The following EFCAB11 variants were observed in gnomAD, a reference collection of about 807,000 sequenced individuals.
The protein encoded by EFCAB11 is EF-hand calcium binding domain 11.
A neutral mutation model predicts 23.0 loss-of-function variants in EFCAB11; 14 were observed. The observed-to-expected ratio is 0.61, with a 90% CI of 0.40 to 0.95. The LOEUF (loss-of-function observed/expected upper bound fraction) is 0.95, where lower values mean the gene tolerates loss of function less well. Ranked by LOEUF, EFCAB11 falls within the 40% of genes least tolerant of loss-of-function variation. The pLI, the probability that EFCAB11 is intolerant of heterozygous loss-of-function variation, is 0.00. For missense variants in EFCAB11, 198 were observed against 195.8 expected, an observed-to-expected ratio of 1.01 and a Z score of -0.07; for synonymous variants, 65 against 66.6, an observed-to-expected ratio of 0.98 and a Z score of 0.11.
chr14:89,942,580 G>T (rs73324525), intron 3 of EFCAB11, among the ~76,000 whole-genome samples: 1 of 152,096 alleles, frequency 6.6e-6, no homozygotes, highest in African/African-American at 2.4e-5. Context: ...CTCTGAAAGA[G>T]GTAGCAAGAC....
chr14:89,814,795 T>C (rs896397443), intron 5 of EFCAB11, among the ~76,000 whole-genome samples: 1 of 152,106 alleles, frequency 6.6e-6, no homozygotes. Context: ...CTACCTAGCA[T>C]AGCAGAGCAG....
At chr14:89,829,361 C>T (rs765685506) in intron 5 of EFCAB11, among the ~76,000 whole-genome samples, 21 of 152,150 alleles carry the variant, frequency 1.4e-4, no homozygotes, top group Non-Finnish European at 2.8e-4. Context: ...AAGGCTAGTG[C>T]GTTAAATCTT....
chr14:89,932,708 T>A (rs746592139), intron 3 of EFCAB11, 81 bp from the exon 4 acceptor site: 3 of 1,053,250 alleles, frequency 2.8e-6, no homozygotes, highest in Non-Finnish European at 2.9e-6. Flanking sequence ...TGGACAGTAA[T>A]AAATCTCACC....
At chr14:89,931,837 C>T (rs932548217) in intron 4 of EFCAB11, among the ~76,000 whole-genome samples, 1 of 152,128 alleles carries the variant, frequency 6.6e-6, no homozygotes, top group Non-Finnish European at 1.5e-5. Flanking sequence ...AGTGCAGTCC[C>T]GGCTGATCTT....
intron 5 of EFCAB11, among the ~76,000 whole-genome samples, chr14:89,820,732 G>A (rs527721601): frequency 5.3e-5 from 8 of 152,098 alleles, no homozygotes; most frequent in African/African-American, 1.9e-4. Flanking sequence ...TTCCTATGCA[G>A]TACTCAAAGT....
rs897050445 is a variant in EFCAB11, at chr14:89,795,675, C to T, written c.*1568G>A. 6.6e-6 allele frequency: 1 copy of T among 152,026 alleles called. No individual in the cohort carries two copies. The highest frequency in any genetic ancestry group is 6.6e-5 in the Admixed American group (1 of 15,256). 9.4% of individuals were successfully genotyped at this position (152,026 alleles called of 1,614,324 possible). ...AGTGAGACTCTGTCTCAAAAAAAAC[C>T]CGCAAACGTTTATTTTTATTAAGGT... On this transcript the variant is annotated 3_prime_UTR_variant, in exon 6 of 6. Transcript: ENST00000316738.
intron 5 of EFCAB11, among the ~76,000 whole-genome samples, chr14:89,929,324 A>G (rs1890309738): frequency 6.6e-6 from 1 of 152,176 alleles, no homozygotes; most frequent in Non-Finnish European, 1.5e-5. Context: ...TGCTAGGATT[A>G]CAGGCATGAA....
intron 5 of EFCAB11, among the ~76,000 whole-genome samples, chr14:89,862,687 G>A (rs955980797): frequency 1.4e-4 from 21 of 152,328 alleles, no homozygotes; most frequent in African/African-American, 4.8e-4. Context: ...TTATGCAGAA[G>A]AGGAACAAAA....
chr14:89,852,553 C>T (rs1887629410), intron 5 of EFCAB11, among the ~76,000 whole-genome samples: 1 of 152,146 alleles, frequency 6.6e-6, no homozygotes, highest in African/African-American at 2.4e-5. Flanking sequence ...AGGAGCCTAG[C>T]CCAAGACACG....
intron 2 of EFCAB11, among the ~76,000 whole-genome samples, chr14:89,950,603 A>G (rs925514609): frequency 4.6e-5 from 7 of 152,180 alleles, no homozygotes; most frequent in African/African-American, 1.4e-4. Flanking sequence ...CAGCCATCCA[A>G]TGAAAATCAT....
At chr14:89,886,415 G>A (rs1888774412) in intron 5 of EFCAB11, among the ~76,000 whole-genome samples, 1 of 151,522 alleles carries the variant, frequency 6.6e-6, no homozygotes, top group South Asian at 2.1e-4. Flanking sequence ...CTATTCGGGA[G>A]GCTGAGGCAG....
intron 5 of EFCAB11, among the ~76,000 whole-genome samples, chr14:89,841,018 G>A (rs544529797): frequency 1.3e-5 from 2 of 152,252 alleles, no homozygotes; most frequent in Admixed American, 6.5e-5. Flanking sequence ...GAGCCCCTCT[G>A]GCCTTCCAGT....
chr14:89,862,218 G>A (rs1364708945), intron 5 of EFCAB11, among the ~76,000 whole-genome samples: 1 of 152,122 alleles, frequency 6.6e-6, no homozygotes, highest in African/African-American at 2.4e-5. Context: ...ATTATATAAA[G>A]ATGGAAAGAA....
chr14:89,819,262 T>G (rs1005877134), intron 5 of EFCAB11, among the ~76,000 whole-genome samples: 6 of 152,080 alleles, frequency 3.9e-5, no homozygotes, highest in African/African-American at 1.4e-4. Context: ...AAGTACATAT[T>G]ATATGATTCC....
chr14:89,860,189 C>T (rs1887878620), intron 5 of EFCAB11, among the ~76,000 whole-genome samples: 1 of 152,136 alleles, frequency 6.6e-6, no homozygotes, highest in South Asian at 2.1e-4. Flanking sequence ...CATGGTAAAA[C>T]TCTGTCTCTA....
chr14:89,832,408 T>C (rs1886916358), intron 5 of EFCAB11, among the ~76,000 whole-genome samples: 1 of 152,178 alleles, frequency 6.6e-6, no homozygotes, highest in Admixed American at 6.5e-5. Flanking sequence ...AATTTTTAAA[T>C]GTGGATGTCT....
intron 4 of EFCAB11, among the ~76,000 whole-genome samples, chr14:89,932,190 A>G (rs912518847): frequency 9.9e-5 from 15 of 152,126 alleles, no homozygotes; most frequent in African/African-American, 3.4e-4. Flanking sequence ...TGTAGGTCAG[A>G]GCAAGAGTTG....
intron 5 of EFCAB11, among the ~76,000 whole-genome samples, chr14:89,841,925 C>T (rs185630048): frequency 6.6e-5 from 10 of 152,196 alleles, no homozygotes; most frequent in Admixed American, 6.5e-4. Context: ...AACAACGCAT[C>T]GGAGTGCTGA....
At chr14:89,938,971 CAAAAA>C (rs11289812) in intron 3 of EFCAB11, among the ~76,000 whole-genome samples, 2 of 80,360 alleles carry the variant, frequency 2.5e-5, no homozygotes, top group Non-Finnish European at 6.3e-5. Flanking sequence ...AACAACAAAG[CAAAAA>C]AAAAAAAAAA....
Sources: allele counts gnomAD v4.1 joint callset (sites outside exome capture counted in the v4.1 genomes callset), GRCh38; gene constraint gnomAD v4.1.1; transcripts MANE v1.5; gene names NCBI Gene and HGNC (gene_info 2026-07-23, HGNC 2026-07-21).